The following NEK1 variants were observed in gnomAD, a reference collection of about 807,000 sequenced individuals.
NEK1 encodes NIMA related kinase 1.
Under a neutral mutation model 182.1 loss-of-function variants are expected in NEK1, and 137 were observed. That is an observed-to-expected ratio of 0.75 (90% CI 0.65 to 0.87). The LOEUF is 0.87. NEK1 is among the 40% of genes least tolerant of loss of function. NEK1 has a pLI of 0.00. For synonymous variants in NEK1, 513 were observed against 492.2 expected (o/e 1.04, Z -0.56); for missense variants, 1,391 against 1,494.4 (o/e 0.93, Z 1.14).
At position 169,477,370 on chromosome 4, in the gene NEK1, A is replaced by C; in HGVS notation, c.2206-18T>G. ...CGCTTACTCTGAAAGTCACGACATT[A>C]TATATTTTAATATGTATATCATTAA... On this transcript the variant is annotated intron_variant, in intron 25 of 35. Coordinates refer to ENST00000507142, the MANE Select transcript of NEK1 (RefSeq NM_001199397.3). The C allele has an allele frequency of 6.5e-7, 1 of 1,548,802 alleles. No individual in the cohort carries two copies. The highest frequency in any genetic ancestry group is 1.9e-5 in the Admixed American group (1 of 53,478).
At chr4:169,538,850 C>A (rs569520785) in intron 18 of NEK1, among the ~76,000 whole-genome samples, 69 of 152,210 alleles carry the variant, frequency 4.5e-4, no homozygotes, top group African/African-American at 1.7e-3. Context: ...AAGATTTGAG[C>A]ACTTCTGATT....
rs186151365 is a variant in NEK1 at position 169,601,382 on chromosome 4, T to G, written c.214+626A>C. On this transcript the variant is annotated intron_variant, in intron 4 of 35. Transcript: ENST00000507142. ...TTGGGTAGGACTTCAATAAACCACTTTGACCTGCCTTTAGAGAAGCTTTGC... is the reference window on the plus strand; with the variant it reads ...TTGGGTAGGACTTCAATAAACCACTGTGACCTGCCTTTAGAGAAGCTTTGC... Among the ~76,000 whole-genome samples the G allele has an allele frequency of 2.7e-3, 413 of 152,332 alleles. 4 individuals carry two copies. Among genetic ancestry groups the G allele is most frequent in the African/African-American group, 9.6e-3 (401 of 41,580 alleles).
At chr4:169,447,186 C>G (rs1016961518) in intron 27 of NEK1, among the ~76,000 whole-genome samples, 2 of 152,164 alleles carry the variant, frequency 1.3e-5, no homozygotes, top group South Asian at 2.1e-4. Context: ...AGGAGAAAAG[C>G]AGCAGCAGAC....
chr4:169,404,822 G>A (rs1160141548), intron 32 of NEK1, among the ~76,000 whole-genome samples: 1 of 151,846 alleles, frequency 6.6e-6, no homozygotes, highest in African/African-American at 2.4e-5. Flanking sequence ...GGGTACATGT[G>A]CACAATCTAA....
At chr4:169,574,755 GAAGC>G (rs1238603709) in intron 12 of NEK1, among the ~76,000 whole-genome samples, 4 of 152,104 alleles carry the variant, frequency 2.6e-5, no homozygotes, top group Non-Finnish European at 5.9e-5. Flanking sequence ...CTGGCAATGA[GAAGC>G]AAGGGAAACA....
intron 32 of NEK1, among the ~76,000 whole-genome samples, 172 bp from the exon 33 acceptor site, chr4:169,402,032 C>T (rs1211748704): frequency 6.6e-6 from 1 of 152,102 alleles, no homozygotes; most frequent in African/African-American, 2.4e-5. Context: ...TTGTTTTTCA[C>T]CGGTAAATTG....
At chr4:169,513,485 G>A (rs1256933104) in intron 19 of NEK1, among the ~76,000 whole-genome samples, 1 of 152,038 alleles carries the variant, frequency 6.6e-6, no homozygotes, top group Non-Finnish European at 1.5e-5. Context: ...AGAGTTCTGG[G>A]AATTTCCCAT....
At chr4:169,457,234 CAAAG>C (rs1344514611) in intron 27 of NEK1, among the ~76,000 whole-genome samples, 1 of 151,998 alleles carries the variant, frequency 6.6e-6, no homozygotes, top group Non-Finnish European at 1.5e-5. Flanking sequence ...GTTTGTAATA[CAAAG>C]AAAGGATAAA....
intron 16 of NEK1, among the ~76,000 whole-genome samples, chr4:169,558,455 C>A (rs1322037031): frequency 6.6e-6 from 1 of 152,200 alleles, no homozygotes; most frequent in African/African-American, 2.4e-5. Flanking sequence ...TGTCAGCAAC[C>A]ACTGATCTGC....
chr4:169,445,865 T>TATATATACACAC (rs569539235), intron 27 of NEK1, among the ~76,000 whole-genome samples: 15 of 143,280 alleles, frequency 1.0e-4, no homozygotes, highest in East Asian at 5.9e-4. Flanking sequence ...TATATATATA[T>TATATATACACAC]ACACACACAC....
At chr4:169,444,701 C>A (rs182288862) in intron 27 of NEK1, among the ~76,000 whole-genome samples, 1 of 152,240 alleles carries the variant, frequency 6.6e-6, no homozygotes, top group African/African-American at 2.4e-5. Context: ...ATAATCTAGA[C>A]TGAAAATTAA....
intron 4 of NEK1, among the ~76,000 whole-genome samples, chr4:169,599,660 T>C (rs1256481278): frequency 6.6e-6 from 1 of 152,154 alleles, no homozygotes; most frequent in East Asian, 1.9e-4. Flanking sequence ...AAATAATAAG[T>C]GTTGTGATAA....
chr4:169,533,724 C>T (rs1758021860), intron 19 of NEK1, among the ~76,000 whole-genome samples: 1 of 152,078 alleles, frequency 6.6e-6, no homozygotes, highest in Admixed American at 6.5e-5. Flanking sequence ...CCTTCCAAAA[C>T]ACAGTAAAAA....
At chr4:169,423,149 C>T (rs1011294530) in intron 31 of NEK1, among the ~76,000 whole-genome samples, 3 of 152,230 alleles carry the variant, frequency 2.0e-5, no homozygotes, top group Non-Finnish European at 4.4e-5. Flanking sequence ...GTCACCCAGG[C>T]TGGAGTGCAA....
At chr4:169,403,603 C>T (rs1042095316) in intron 32 of NEK1, among the ~76,000 whole-genome samples, 5 of 151,860 alleles carry the variant, frequency 3.3e-5, no homozygotes, top group Non-Finnish European at 5.9e-5. Context: ...AAAAGATCAA[C>T]GAAGTATGCA....
chr4:169,415,516 CAATATT>C (rs150274015), intron 31 of NEK1, among the ~76,000 whole-genome samples: 8,753 of 152,188 alleles, frequency 0.058, 824 homozygotes, highest in African/African-American at 0.2. Context: ...ATCTTATACT[CAATATT>C]AATAACTATG....
chr4:169,601,924 G>T, intron 4 of NEK1, 84 bp downstream of exon 4: 1 of 925,850 alleles, frequency 1.1e-6, no homozygotes, highest in Non-Finnish European at 1.7e-6. Flanking sequence ...AAGCAAAAAT[G>T]GTATCTTTTT....
At chr4:169,453,475 T>A (rs751811467) in intron 27 of NEK1, among the ~76,000 whole-genome samples, 2 of 152,198 alleles carry the variant, frequency 1.3e-5, no homozygotes, top group Non-Finnish European at 2.9e-5. Flanking sequence ...AAACTGGCTA[T>A]AATCAAAATC....
At chr4:169,453,265 T>C (rs1190277987) in intron 27 of NEK1, among the ~76,000 whole-genome samples, 7 of 152,098 alleles carry the variant, frequency 4.6e-5, no homozygotes, top group African/African-American at 1.7e-4. Context: ...TCAATGCCAT[T>C]CCCATCAAGC....
Sources: gnomAD v4.1 joint callset for allele counts (sites outside exome capture counted in the v4.1 genomes callset) on GRCh38, gnomAD v4.1.1 for gene constraint, MANE v1.5 for transcripts, NCBI Gene and HGNC (gene_info 2026-07-23, HGNC 2026-07-21) for gene names.